The following SNTG2 variants were observed in gnomAD, a reference collection of about 807,000 sequenced individuals.
The protein encoded by SNTG2 is syntrophin gamma 2.
Under a neutral mutation model 70.9 loss-of-function variants are expected in SNTG2, and 74 were observed. The ratio of observed to expected loss-of-function variants is 1.04; its 90% CI spans 0.86 to 1.27. The LOEUF (loss-of-function observed/expected upper bound fraction) is 1.27. SNTG2 is among the 50% of genes most tolerant of loss of function. SNTG2 has a pLI of 0.00. For missense variants in SNTG2, 717 were observed against 690.7 expected, an observed-to-expected ratio of 1.04 and a Z score of -0.43; for synonymous variants, 278 against 273.8, an observed-to-expected ratio of 1.02 and a Z score of -0.15.
intron 7 of SNTG2, among the ~76,000 whole-genome samples, chr2:1,172,795 CAGGG>C (rs1490096713): frequency 6.6e-6 from 1 of 152,164 alleles, no homozygotes; most frequent in East Asian, 1.9e-4. Flanking sequence ...GTCATGTTGA[CAGGG>C]AGGGCCTGAG....
At chr2:1,112,458 C>G (rs1405982186) in intron 4 of SNTG2, among the ~76,000 whole-genome samples, 1 of 151,596 alleles carries the variant, frequency 6.6e-6, no homozygotes, top group East Asian at 1.9e-4. Context: ...ATTTTGTGTA[C>G]TAAGTGAGGT....
At chr2:998,026 A>G (rs1661749646) in intron 1 of SNTG2, among the ~76,000 whole-genome samples, 1 of 152,230 alleles carries the variant, frequency 6.6e-6, no homozygotes, top group Non-Finnish European at 1.5e-5. Context: ...CCAGCATTTG[A>G]GAAAGCCATC....
intron 16 of SNTG2, among the ~76,000 whole-genome samples, chr2:1,347,080 T>C (rs1317828278): frequency 5.4e-5 from 4 of 73,576 alleles, no homozygotes; most frequent in Non-Finnish European, 2.5e-5. Context: ...GAAAGGAATT[T>C]GGGAAAGAGG....
chr2:1,161,178 G>A lies in SNTG2; in HGVS notation c.412-4370G>A, dbSNP rs115460375. ...CTCACGCTTGTAATCCCAGCACTACGGGGCCAAGGCGGGAGGATCACTTGA... is the reference window on the plus strand; with the variant it reads ...CTCACGCTTGTAATCCCAGCACTACAGGGCCAAGGCGGGAGGATCACTTGA... On this transcript the variant is annotated intron_variant, in intron 6 of 16. Coordinates refer to ENST00000308624, the MANE Select transcript of SNTG2 (RefSeq NM_018968.4). 1,487 of 152,468 alleles carry A rather than the reference G, an allele frequency of 9.8e-3. 20 individuals carry two copies. The highest frequency in any genetic ancestry group is 0.033 in the African/African-American group (1,388 of 41,538). 9.4% of individuals were successfully genotyped at this position (152,468 alleles called of 1,614,324 possible). A position where few individuals can be genotyped will look rare whatever the true frequency, so the allele number is the denominator to read the frequency against.
intron 11 of SNTG2, among the ~76,000 whole-genome samples, chr2:1,246,178 G>C: frequency 6.6e-6 from 1 of 152,208 alleles, no homozygotes; most frequent in East Asian, 1.9e-4. Context: ...CAGGGGATTC[G>C]TATTCAACAC....
At chr2:1,273,960 A>G (rs1212000567) in intron 14 of SNTG2, among the ~76,000 whole-genome samples, 1 of 152,256 alleles carries the variant, frequency 6.6e-6, no homozygotes, top group Non-Finnish European at 1.5e-5. Flanking sequence ...CTCAATGATT[A>G]GAAAAACAAT....
Position 1,139,253 on chromosome 2 carries a change from CAG to C in SNTG2, c.411+1447_411+1448del, listed in dbSNP as rs549618919. 2.1e-3 allele frequency among the ~76,000 whole-genome samples: 322 copies of C among 152,206 alleles called. 1 individual carries two copies. The highest frequency in any genetic ancestry group is 7.4e-3 in the African/African-American group (309 of 41,534). On this transcript the variant is annotated intron_variant, in intron 6 of 16. Coordinates refer to ENST00000308624, the MANE Select transcript of SNTG2 (RefSeq NM_018968.4). ...GTTTTGTTTCATTTTGTTTTTGAGA[CAG>C]AGTCTTGTTCTGTCGCCCAGTGTAG...
chr2:1,122,264 G>A (rs1667421231), intron 4 of SNTG2, among the ~76,000 whole-genome samples: 1 of 152,086 alleles, frequency 6.6e-6, no homozygotes. Flanking sequence ...TTAAAAGCCA[G>A]CATCACCGTG....
intron 1 of SNTG2, among the ~76,000 whole-genome samples, chr2:1,024,269 T>C (rs1030956636): frequency 1.3e-5 from 2 of 152,232 alleles, no homozygotes; most frequent in Non-Finnish European, 2.9e-5. Flanking sequence ...TTTAAATAAA[T>C]ATAAAACTTA....
chr2:1,104,200 GT>G (rs1286323346), intron 4 of SNTG2, among the ~76,000 whole-genome samples: 6 of 152,126 alleles, frequency 3.9e-5, no homozygotes, highest in African/African-American at 1.4e-4. Context: ...TCTTTCAAAC[GT>G]TTGTAAAGAA....
chr2:1,283,903 T>C (rs1227233522), intron 14 of SNTG2, among the ~76,000 whole-genome samples: 12 of 152,194 alleles, frequency 7.9e-5, no homozygotes, highest in African/African-American at 2.9e-4. Flanking sequence ...ATAGAGCTGC[T>C]GAGAGAAACA....
chr2:1,158,087 C>G (rs575574821), intron 6 of SNTG2, among the ~76,000 whole-genome samples: 1 of 152,160 alleles, frequency 6.6e-6, no homozygotes, highest in Non-Finnish European at 1.5e-5. Flanking sequence ...GCATCATGCT[C>G]AAAGGGCCCA....
intron 1 of SNTG2, among the ~76,000 whole-genome samples, chr2:983,220 C>CTGCAGAGGTGGAGGTCGGGATGAAGAAGT: frequency 1.2e-5 from 1 of 84,020 alleles, no homozygotes; most frequent in South Asian, 2.8e-4. Context: ...GATGCAGAAG[C>CTGCAGAGGTGGAGGTCGGGATGAAGAAGT]TGCAGAGGTG....
chr2:1,222,261 A>G (rs944353370), intron 9 of SNTG2, among the ~76,000 whole-genome samples: 3 of 152,116 alleles, frequency 2.0e-5, no homozygotes, highest in Non-Finnish European at 2.9e-5. Flanking sequence ...ACTGTAAGGG[A>G]TTAGCGCCCT....
chr2:1,161,960 G>A (rs548218577), intron 6 of SNTG2, among the ~76,000 whole-genome samples: 3 of 151,568 alleles, frequency 2.0e-5, no homozygotes, highest in South Asian at 2.1e-4. Context: ...TGTAGTCCCA[G>A]CTACTTGGGA....
intron 14 of SNTG2, among the ~76,000 whole-genome samples, chr2:1,277,294 T>C (rs1679307091): frequency 6.6e-6 from 1 of 152,220 alleles, no homozygotes; most frequent in African/African-American, 2.4e-5. Context: ...GCAGACTTCA[T>C]TGTTGTCTTA....
chr2:1,071,015 T>TG (rs1307402923), intron 1 of SNTG2, among the ~76,000 whole-genome samples: 1 of 152,082 alleles, frequency 6.6e-6, no homozygotes, highest in Non-Finnish European at 1.5e-5. Flanking sequence ...TTGGCAATAC[T>TG]GGGGGGTGGC....
chr2:1,009,105 C>T (rs1304246873), intron 1 of SNTG2, among the ~76,000 whole-genome samples: 1 of 152,246 alleles, frequency 6.6e-6, no homozygotes, highest in Non-Finnish European at 1.5e-5. Context: ...GCAGCTGGCT[C>T]TAAAGGCAGT....
intron 4 of SNTG2, among the ~76,000 whole-genome samples, chr2:1,132,644 G>A (rs1431610660): frequency 6.6e-6 from 1 of 152,210 alleles, no homozygotes; most frequent in Non-Finnish European, 1.5e-5. Flanking sequence ...TCTGAGCGGA[G>A]TTGCGGGGTT....
Sources: allele counts gnomAD v4.1 joint callset (sites outside exome capture counted in the v4.1 genomes callset), GRCh38; gene constraint gnomAD v4.1.1; transcripts MANE v1.5; gene names NCBI Gene and HGNC (gene_info 2026-07-23, HGNC 2026-07-21).